AIM2: variants seen among roughly 807,000 people sequenced by gnomAD.
AIM2 encodes interferon-inducible protein AIM2.
AIM2 carries 30 observed loss-of-function variants against 27.7 expected under a neutral mutation model. That is an observed-to-expected ratio of 1.08 (90% confidence interval 0.81 to 1.47). The LOEUF (loss-of-function observed/expected upper bound fraction) is 1.47, where lower values mean the gene tolerates loss of function less well. Among genes scored for constraint, AIM2 ranks in the 40% most tolerant of loss-of-function variants. AIM2 has a pLI of 0.00. For synonymous variants in AIM2, 141 were observed against 145.3 expected (o/e 0.97, Z 0.21); for missense variants, 358 against 411.3 (o/e 0.87, Z 1.12).
At chr1:159,084,828 CACACAT>C (rs1656869277) in intron 1 of AIM2, among the ~76,000 whole-genome samples, 1 of 144,902 alleles carries the variant, frequency 6.9e-6, no homozygotes, top group African/African-American at 2.5e-5. Flanking sequence ...CAGACACACA[CACACAT>C]CCCTCAGAGA....
intron 1 of AIM2, among the ~76,000 whole-genome samples, chr1:159,106,266 C>T (rs1419062286): frequency 1.3e-5 from 2 of 152,220 alleles, no homozygotes; most frequent in African/African-American, 4.8e-5. Context: ...GGGCTCCCAC[C>T]TGTTCCTGGC....
intron 1 of AIM2, among the ~76,000 whole-genome samples, chr1:159,089,543 C>T (rs906986064): frequency 7.2e-5 from 11 of 152,340 alleles, no homozygotes; most frequent in Middle Eastern, 3.4e-3. Flanking sequence ...TACCTACAGG[C>T]TCCCCTGCTT....
the AIM2 span, among the ~76,000 whole-genome samples, chr1:159,056,748 A>AAAAG: frequency 7.2e-6 from 1 of 138,618 alleles, no homozygotes; most frequent in East Asian, 2.2e-4. Flanking sequence ...AAAAAAAAAA[A>AAAAG]CTACCCTTTA....
At chr1:159,093,684 T>C (rs901855340) in intron 1 of AIM2, among the ~76,000 whole-genome samples, 1 of 151,382 alleles carries the variant, frequency 6.6e-6, no homozygotes, top group Non-Finnish European at 1.5e-5. Context: ...ACATTTTATT[T>C]ATTTAGAAAA....
chr1:159,136,528 A>G (rs1648011851), intron 1 of AIM2, among the ~76,000 whole-genome samples: 1 of 152,196 alleles, frequency 6.6e-6, no homozygotes, highest in African/African-American at 2.4e-5. Flanking sequence ...TACTATGCTC[A>G]TGGTTATCAA....
At chr1:159,096,567 A>G (rs1317269179) in intron 1 of AIM2, among the ~76,000 whole-genome samples, 1 of 152,056 alleles carries the variant, frequency 6.6e-6, no homozygotes, top group Non-Finnish European at 1.5e-5. Flanking sequence ...GCTTTAAGAG[A>G]CAATTTAAAT....
chr1:159,136,893 T>C (rs1191353879), intron 1 of AIM2, among the ~76,000 whole-genome samples: 2 of 152,236 alleles, frequency 1.3e-5, no homozygotes, highest in African/African-American at 4.8e-5. Flanking sequence ...AGGTGGACTG[T>C]TACAAAACCC....
At chr1:159,092,670 A>C (rs1657073943) in intron 1 of AIM2, among the ~76,000 whole-genome samples, 1 of 152,186 alleles carries the variant, frequency 6.6e-6, no homozygotes, top group South Asian at 2.1e-4. Flanking sequence ...ACCAAGATGC[A>C]GAGGAAAGAG....
intron 1 of AIM2, chr1:159,122,402 G>A (rs1647560850): frequency 6.6e-6 from 1 of 152,158 alleles, no homozygotes; most frequent in African/African-American, 2.4e-5. Context: ...CAGAGAAAGA[G>A]CATCTGCTTT....
intron 2 of AIM2, among the ~76,000 whole-genome samples, chr1:159,072,697 A>G (rs1656411967): frequency 6.6e-6 from 1 of 152,202 alleles, no homozygotes; most frequent in Non-Finnish European, 1.5e-5. Flanking sequence ...CTGAAGGTGG[A>G]TTCTCCCTCC....
chr1:159,111,510 C>T (rs1557908423), intron 1 of AIM2, among the ~76,000 whole-genome samples: 1 of 151,826 alleles, frequency 6.6e-6, no homozygotes, highest in African/African-American at 2.4e-5. Flanking sequence ...AACAGTTACA[C>T]AAAAAAACTA....
chr1:159,061,761 G>A (rs76075238), downstream of AIM2, among the ~76,000 whole-genome samples: 4,140 of 151,950 alleles, frequency 0.027, 193 homozygotes, highest in African/African-American at 0.094. Flanking sequence ...CCAATCTATG[G>A]TTTGCCTTTC....
At chr1:159,142,821 G>T (rs78924122), upstream of AIM2, among the ~76,000 whole-genome samples, 188 of 152,182 alleles carry the variant, frequency 1.2e-3, no homozygotes, top group Middle Eastern at 0.01. Context: ...CTCACTTTCA[G>T]CTCATTTTCT....
chr1:159,144,382 C>G (rs575030213), upstream of AIM2, among the ~76,000 whole-genome samples: 2 of 152,254 alleles, frequency 1.3e-5, no homozygotes, highest in African/African-American at 4.8e-5. Flanking sequence ...TCTCTGACAT[C>G]TCATTTTGCT....
chr1:159,062,623 G>A lies in AIM2; in HGVS notation c.*69C>T. 1 of 1,420,118 alleles carries A rather than the reference G, an allele frequency of 7.0e-7. No homozygotes were observed. The highest frequency in any genetic ancestry group is 1.2e-5 in the South Asian group (1 of 85,510). The allele number at this position is 1,420,118 out of a possible 1,614,324, so 88.0% of individuals were successfully genotyped here. A position where few individuals can be genotyped will look rare whatever the true frequency, so the allele number is the denominator to read the frequency against. Reference sequence around the variant, plus strand: ...GGTAACTTACAATCTGATTGAAGAGGCTGTATCACATATTCTTCAATTAAA... The same window carrying A: ...GGTAACTTACAATCTGATTGAAGAGACTGTATCACATATTCTTCAATTAAA... On this transcript the variant is annotated 3_prime_UTR_variant, in exon 6 of 6. Transcript: ENST00000368130.
At chr1:159,107,661 G>A (rs575001911) in intron 1 of AIM2, among the ~76,000 whole-genome samples, 18 of 152,210 alleles carry the variant, frequency 1.2e-4, no homozygotes, top group Non-Finnish European at 2.6e-4. Context: ...TAGACCATTA[G>A]CAAGATTAAC....
intron 1 of AIM2, among the ~76,000 whole-genome samples, chr1:159,121,005 T>A (rs1238860253): frequency 6.6e-6 from 1 of 152,184 alleles, no homozygotes; most frequent in Non-Finnish European, 1.5e-5. Flanking sequence ...ATTTTACCAA[T>A]GAAGAAACTG....
At chr1:159,101,343 C>T (rs747202832) in intron 1 of AIM2, among the ~76,000 whole-genome samples, 1 of 152,166 alleles carries the variant, frequency 6.6e-6, no homozygotes, top group Non-Finnish European at 1.5e-5. Context: ...TTGTAAAATT[C>T]CTGAGGCCTC....
At chr1:159,074,296 A>G (rs183598633) in intron 1 of AIM2, among the ~76,000 whole-genome samples, 3 of 152,318 alleles carry the variant, frequency 2.0e-5, no homozygotes, top group Admixed American at 1.3e-4. Context: ...TCTTCCTGTA[A>G]GAATTTTACG....
Sources: gnomAD v4.1 joint callset for allele counts (sites outside exome capture counted in the v4.1 genomes callset) on GRCh38, gnomAD v4.1.1 for gene constraint, MANE v1.5 for transcripts, NCBI Gene and HGNC (gene_info 2026-07-23, HGNC 2026-07-21) for gene names.